Variants in PDZD2 observed in about 807,000 individuals in gnomAD.
PDZD2 encodes PDZ domain containing 2.
A neutral mutation model predicts 220.7 loss-of-function variants in PDZD2; 90 were observed. The ratio of observed to expected loss-of-function variants is 0.41; its 90% CI spans 0.34 to 0.49. PDZD2 has a LOEUF of 0.49. PDZD2 is among the 20% of genes least tolerant of loss of function. The pLI, the probability that PDZD2 is intolerant of heterozygous loss-of-function variation, is 0.28. For missense variants in PDZD2, 3,174 were observed against 3,608.5 expected, an observed-to-expected ratio of 0.88 and a Z score of 3.08; for synonymous variants, 1,375 against 1,450.5, an observed-to-expected ratio of 0.95 and a Z score of 1.18.
At chr5:31,954,418 G>A (rs750342689) in intron 2 of PDZD2, among the ~76,000 whole-genome samples, 2 of 150,358 alleles carry the variant, frequency 1.3e-5, no homozygotes, top group Non-Finnish European at 3.0e-5. Flanking sequence ...TTTTCTTATG[G>A]TTTGAATAGC....
intron 1 of PDZD2, among the ~76,000 whole-genome samples, chr5:31,654,329 C>T (rs1263127031): frequency 6.6e-6 from 1 of 152,132 alleles, no homozygotes; most frequent in Non-Finnish European, 1.5e-5. Flanking sequence ...CCTCCTGGTG[C>T]CGCAGGAGCA....
At position 32,088,419 on chromosome 5, in the gene PDZD2, T is replaced by C; in HGVS notation, c.4971T>C (p.Thr1657=). ...EKAACLPGSY[T]SGPDSSQPSS... ...CCGCCTGCTTGCCAGGCTCATACAC[T>C]TCAGGCCCAGACTCTTCCCAGCCAT... The change falls in exon 20 of 25, where the codon ACT becomes ACC. Residue 1657 remains threonine (T), a synonymous_variant. Coordinates refer to ENST00000438447, the MANE Select transcript of PDZD2 (RefSeq NM_178140.4). The surrounding 1 kb of genome is among the most constrained non-coding windows in gnomAD (Gnocchi z 4.6). 1.2e-6 allele frequency: 2 copies of C among 1,613,990 alleles called. No individual in the cohort carries two copies. Among genetic ancestry groups the C allele is most frequent in the Non-Finnish European group, 1.7e-6 (2 of 1,179,976 alleles).
At chr5:31,864,724 C>T (rs1420977392) in intron 2 of PDZD2, among the ~76,000 whole-genome samples, 1 of 150,624 alleles carries the variant, frequency 6.6e-6, no homozygotes, top group African/African-American at 2.4e-5. Context: ...ACCATATTGG[C>T]CAGGCTGGTC....
intron 2 of PDZD2, among the ~76,000 whole-genome samples, chr5:31,867,691 C>A (rs890635209): frequency 6.6e-6 from 1 of 152,122 alleles, no homozygotes; most frequent in Non-Finnish European, 1.5e-5. Flanking sequence ...AATGAAGAGA[C>A]GCAAAGCAAA....
At position 31,910,349 on chromosome 5, in the gene PDZD2, A is replaced by C. The variant is rs141120877; in HGVS notation, c.477-72806A>C. On this transcript the variant is annotated intron_variant, in intron 2 of 24. Transcript: ENST00000438447. ...ATTCTCATGACTCAGCCTCCCAAGC[A>C]TCTGGGATTACAGATGCCCCACCAC... 2.7e-4 allele frequency among the ~76,000 whole-genome samples: 41 copies of C among 150,230 alleles called. 1 individual carries two copies. The highest frequency in any genetic ancestry group is 9.8e-4 in the African/African-American group (40 of 40,732).
intron 7 of PDZD2, 58 bp from the exon 8 acceptor site, chr5:32,048,481 G>A: frequency 1.4e-6 from 2 of 1,457,304 alleles, no homozygotes; most frequent in South Asian, 1.1e-5. Flanking sequence ...GCCTCTGGAT[G>A]TGCTTACGAT....
chr5:31,694,020 T>C (rs1470134446), intron 1 of PDZD2, among the ~76,000 whole-genome samples: 4 of 152,226 alleles, frequency 2.6e-5, no homozygotes, highest in South Asian at 2.1e-4. Flanking sequence ...GGATTGAATA[T>C]TGTTTTTAAA....
intron 6 of PDZD2, among the ~76,000 whole-genome samples, chr5:32,022,123 A>G (rs748504630): frequency 6.7e-6 from 1 of 148,684 alleles, no homozygotes; most frequent in Non-Finnish European, 1.5e-5. Context: ...TATTTTTTAT[A>G]TTCCATAATG....
intron 2 of PDZD2, among the ~76,000 whole-genome samples, chr5:31,900,494 G>A (rs1741988825): frequency 8.7e-6 from 1 of 115,256 alleles, no homozygotes; most frequent in African/African-American, 2.8e-5. Flanking sequence ...CCCGAGGCTA[G>A]GTTTTCTTAA....
At chr5:32,038,761 AAG>A (rs1338200500) in intron 7 of PDZD2, among the ~76,000 whole-genome samples, 1 of 152,126 alleles carries the variant, frequency 6.6e-6, no homozygotes, top group Non-Finnish European at 1.5e-5. Context: ...CAGGAAAAGC[AAG>A]AGTTTTGAAG....
chr5:31,720,316 C>G (rs554600301), intron 1 of PDZD2, among the ~76,000 whole-genome samples: 43 of 152,198 alleles, frequency 2.8e-4, no homozygotes, highest in Admixed American at 1.8e-3. Flanking sequence ...CAATGAGTAA[C>G]CAAAAAGCAT....
intron 5 of PDZD2, among the ~76,000 whole-genome samples, chr5:32,002,916 A>ACCCC (rs1488489053): frequency 0.024 from 1,746 of 71,750 alleles, 55 homozygotes; most frequent in Non-Finnish European, 0.037. Context: ...CACCACACAC[A>ACCCC]CACCACACAC....
chr5:31,962,375 T>TACGTAAATCCTGTCCAACAGGACA (rs1748326328), intron 2 of PDZD2, among the ~76,000 whole-genome samples: 2 of 152,138 alleles, frequency 1.3e-5, no homozygotes, highest in Non-Finnish European at 2.9e-5. Flanking sequence ...TTAGGGAAGT[T>TACGTAAATCCTGTCCAACAGGACA]GGACAGGAAG....
rs1006791672 is a variant in PDZD2, at chr5:31,837,585, A to G, written c.476+37861A>G. ...TAAAAATACAAAAAATTACCCAGGCATGGTGGTCCATGCCTGTAATCCGAG... is the reference window on the plus strand; with the variant it reads ...TAAAAATACAAAAAATTACCCAGGCGTGGTGGTCCATGCCTGTAATCCGAG... On this transcript the variant is annotated intron_variant, in intron 2 of 24. Coordinates refer to ENST00000438447, the MANE Select transcript of PDZD2 (RefSeq NM_178140.4). Among the ~76,000 whole-genome samples, 11 of 152,116 alleles carry G rather than the reference A, an allele frequency of 7.2e-5. No homozygotes were observed. The East Asian group carries it at 1.9e-3, about 27-fold the overall frequency.
At chr5:31,688,054 A>G (rs546315634) in intron 1 of PDZD2, among the ~76,000 whole-genome samples, 2 of 152,280 alleles carry the variant, frequency 1.3e-5, no homozygotes, top group East Asian at 3.9e-4. Flanking sequence ...GAATCTTTAG[A>G]AAGGTCAAGC....
rs1561633097 is a variant in PDZD2 at position 32,109,699 on chromosome 5, T to TAA, written c.*1565_*1566dup. The TAA allele has an allele frequency of 1.3e-5, 2 of 152,232 alleles. No individual in the cohort carries two copies. The highest frequency in any genetic ancestry group is 2.4e-5 in the African/African-American group (1 of 41,444). The allele number at this position is 152,232 out of a possible 1,614,324, so 9.4% of individuals were successfully genotyped here. A position where few individuals can be genotyped will look rare whatever the true frequency, so the allele number is the denominator to read the frequency against. ...TTTGCCATACCTGTGTGCATGACACTAAGATTTTATGTTGGAGATACTTCT... is the reference window on the plus strand; with the variant it reads ...TTTGCCATACCTGTGTGCATGACACTAAAAGATTTTATGTTGGAGATACTTCT... On this transcript the variant is annotated 3_prime_UTR_variant, in exon 25 of 25. Coordinates refer to ENST00000438447, the MANE Select transcript of PDZD2 (RefSeq NM_178140.4).
At chr5:31,682,923 C>A (rs1746705495) in intron 1 of PDZD2, among the ~76,000 whole-genome samples, 1 of 152,044 alleles carries the variant, frequency 6.6e-6, no homozygotes, top group Non-Finnish European at 1.5e-5. Context: ...AGTGTGCACA[C>A]CAGCTGTGTG....
At chr5:31,953,735 A>C (rs972648239) in intron 2 of PDZD2, among the ~76,000 whole-genome samples, 4 of 151,780 alleles carry the variant, frequency 2.6e-5, no homozygotes, top group African/African-American at 9.7e-5. Flanking sequence ...GCTCACCGCA[A>C]CCTCTGCCTC....
intron 3 of PDZD2, among the ~76,000 whole-genome samples, chr5:31,994,403 A>G (rs556735245): frequency 1.6e-4 from 25 of 152,222 alleles, no homozygotes; most frequent in African/African-American, 5.8e-4. Context: ...GGCAGTGGGT[A>G]TCAAATTCAT....
Sources: allele counts gnomAD v4.1 joint callset (sites outside exome capture counted in the v4.1 genomes callset), GRCh38; gene constraint gnomAD v4.1.1; non-coding constraint Gnocchi (gnomAD v3.1); transcripts MANE v1.5; gene names NCBI Gene and HGNC (gene_info 2026-07-23, HGNC 2026-07-21).